EMID1: variants seen among roughly 807,000 people sequenced by gnomAD.
EMID1 encodes the protein EMI domain containing 1, also known as EMI domain-containing protein 1.
A neutral mutation model predicts 60.6 loss-of-function variants in EMID1; 40 were observed. The observed-to-expected ratio is 0.66, with a 90% confidence interval of 0.51 to 0.86. The LOEUF is 0.86. Ranked by LOEUF, EMID1 falls within the 40% of genes least tolerant of loss-of-function variation. The probability of loss-of-function intolerance (pLI) is 0.00; values close to 1 mark genes in which losing one functional copy is unlikely to be tolerated. For missense variants in EMID1, 585 were observed against 597.1 expected, an observed-to-expected ratio of 0.98 and a Z score of 0.21; for synonymous variants, 242 against 231.0, an observed-to-expected ratio of 1.05 and a Z score of -0.43.
At chr22:29,226,592 C>G in intron 5 of EMID1, 41 bp downstream of exon 5, 1 of 1,584,880 alleles carries the variant, frequency 6.3e-7, no homozygotes, top group Non-Finnish European at 8.6e-7. Context: ...TTCCCTGCCA[C>G]AGGCCAGTCC....
intron 12 of EMID1, among the ~76,000 whole-genome samples, 188 bp downstream of exon 12, chr22:29,234,537 G>A (rs779348748): frequency 1.3e-5 from 2 of 151,930 alleles, no homozygotes; most frequent in African/African-American, 4.8e-5. Context: ...TCTCACTCTG[G>A]CTCTCTGTTT....
At position 29,225,044 on chromosome 22, in the gene EMID1, G is replaced by A. The variant is rs541980024; in HGVS notation, c.320-89G>A. The A allele has an allele frequency of 7.3e-5, 99 of 1,350,970 alleles. 1 individual carries two copies. In the South Asian group the frequency reaches 8.0e-4, roughly 11 times the overall value. The allele number at this position is 1,350,970 out of a possible 1,614,324, so 83.7% of individuals were successfully genotyped here. On this transcript the variant is annotated intron_variant, in intron 3 of 14. Transcript: ENST00000334018. ...CTGTGTCCTACGCTGAGGGCAGTAG[G>A]GGTCCCTGCTGGGGCTACAGTGGTG...
rs376481958 is a variant in EMID1 at position 29,213,324 on chromosome 22, T to C, written c.102-1602T>C. Among the ~76,000 whole-genome samples, 5 of 152,332 alleles carry C rather than the reference T, an allele frequency of 3.3e-5. 1 individual carries two copies. The highest frequency in any genetic ancestry group is 1.9e-4 in the East Asian group (1 of 5,184). On this transcript the variant is annotated intron_variant, in intron 1 of 14. Coordinates refer to ENST00000334018, the MANE Select transcript of EMID1 (RefSeq NM_133455.4). ...TTCTGATGGTGCCATGGCAGGCACC[T>C]GTCACCTCTGCATGGGATGGCTGGC...
rs901923654 is a variant in EMID1, at chr22:29,216,357, C to A, written c.319+727C>A. The A allele has an allele frequency of 7.1e-6, 7 of 985,336 alleles. No homozygotes were observed. The African/African-American group carries it at 1.0e-4, about 15-fold the overall frequency. 61.0% of individuals were successfully genotyped at this position (985,336 alleles called of 1,614,324 possible). A position where few individuals can be genotyped will look rare whatever the true frequency, so the allele number is the denominator to read the frequency against. On this transcript the variant is annotated intron_variant, in intron 3 of 14. Coordinates refer to ENST00000334018, the MANE Select transcript of EMID1 (RefSeq NM_133455.4). ...CCTCTGCTGAGCAGCCCAGGCCTCT[C>A]CCATCCTCACTGCCTGGCTGAACCC...
chr22:29,221,040 GATT>G (rs1360312581), intron 3 of EMID1, among the ~76,000 whole-genome samples: 1 of 145,396 alleles, frequency 6.9e-6, no homozygotes, highest in Non-Finnish European at 1.5e-5. Context: ...CAGCTGTAGA[GATT>G]AGGGGAGGGC....
chr22:29,249,925 C>T (rs1419629380), intron 13 of EMID1, among the ~76,000 whole-genome samples: 1 of 151,994 alleles, frequency 6.6e-6, no homozygotes, highest in Non-Finnish European at 1.5e-5. Context: ...CCCAAAATGC[C>T]TTTTAAAGCT....
At position 29,258,992 on chromosome 22, in the gene EMID1, C is replaced by T. The variant is rs762637707; in HGVS notation, c.*48C>T. On this transcript the variant is annotated 3_prime_UTR_variant, in exon 15 of 15. Transcript: ENST00000334018. ...AGACCAGGCCAGGCTTCCCCTCCTA[C>T]CTGGACTCGGCCAGCTGCCTCCAGG... The T allele has an allele frequency of 6.3e-7, 1 of 1,584,590 alleles. No homozygotes were observed. Among genetic ancestry groups the T allele is most frequent in the Non-Finnish European group, 8.6e-7 (1 of 1,167,232 alleles).
Position 29,259,301 on chromosome 22 carries a change from G to A in EMID1, c.*357G>A. The A allele has an allele frequency of 3.7e-6, 1 of 272,022 alleles. No individual in the cohort carries two copies. The highest frequency in any genetic ancestry group is 4.3e-5 in the South Asian group (1 of 23,310). 16.9% of individuals were successfully genotyped at this position (272,022 alleles called of 1,614,324 possible). A position where few individuals can be genotyped will look rare whatever the true frequency, so the allele number is the denominator to read the frequency against. The stretch of plus-strand genomic sequence containing the variant: ...CGGCACATGCAGAGATGACAGGGCA[G>A]GGGGCAGTCTTCCTCCCCCTCCCCG... On this transcript the variant is annotated 3_prime_UTR_variant, in exon 15 of 15. Transcript: ENST00000334018.
At chr22:29,224,202 C>T (rs1396911267) in intron 3 of EMID1, among the ~76,000 whole-genome samples, 1 of 152,218 alleles carries the variant, frequency 6.6e-6, no homozygotes, top group Admixed American at 6.5e-5. Context: ...GTTTGAGTTC[C>T]CGGCGCCTCT....
At chr22:29,227,878 G>A (rs1193094547) in intron 5 of EMID1, among the ~76,000 whole-genome samples, 5 of 151,856 alleles carry the variant, frequency 3.3e-5, no homozygotes, top group African/African-American at 4.8e-5. Context: ...AGCCGGGGCC[G>A]AGTGCCGTGG....
intron 4 of EMID1, among the ~76,000 whole-genome samples, chr22:29,226,142 G>T (rs2040500061): frequency 1.3e-5 from 2 of 152,140 alleles, no homozygotes; most frequent in South Asian, 4.1e-4. Context: ...GCTGGCTGGG[G>T]TCGCTGGAGA....
intron 14 of EMID1, among the ~76,000 whole-genome samples, chr22:29,256,171 A>T (rs929929706): frequency 6.6e-6 from 1 of 152,064 alleles, no homozygotes; most frequent in African/African-American, 2.4e-5. Flanking sequence ...CCAACCTCGC[A>T]TCTATTTTAA....
At chr22:29,249,027 T>A (rs1240287700) in intron 13 of EMID1, among the ~76,000 whole-genome samples, 1 of 152,278 alleles carries the variant, frequency 6.6e-6, no homozygotes, top group East Asian at 1.9e-4. Flanking sequence ...ATAGATCTTT[T>A]TTTCAAATTC....
intron 14 of EMID1, among the ~76,000 whole-genome samples, chr22:29,256,412 C>T (rs758434114): frequency 6.8e-5 from 10 of 147,384 alleles, no homozygotes; most frequent in African/African-American, 2.0e-4. Context: ...TGCAGTGAGC[C>T]GAGACCGCAC....
At chr22:29,225,680 G>C (rs2040479005) in intron 4 of EMID1, among the ~76,000 whole-genome samples, 1 of 152,002 alleles carries the variant, frequency 6.6e-6, no homozygotes, top group African/African-American at 2.4e-5. Context: ...AGCCAGGAGT[G>C]GGGGCAGCAC....
chr22:29,221,532 A>C (rs2040300591), intron 3 of EMID1, among the ~76,000 whole-genome samples: 1 of 151,902 alleles, frequency 6.6e-6, no homozygotes, highest in Non-Finnish European at 1.5e-5. Context: ...CTGCCACCAC[A>C]CCTGGCTAAT....
intron 3 of EMID1, among the ~76,000 whole-genome samples, chr22:29,219,377 C>T (rs557783248): frequency 2.0e-3 from 302 of 152,310 alleles, no homozygotes; most frequent in African/African-American, 7.0e-3. Context: ...TCATAGGTCC[C>T]ATTGTCCCCA....
chr22:29,219,548 G>C (rs1384717300), intron 3 of EMID1, among the ~76,000 whole-genome samples: 7 of 152,174 alleles, frequency 4.6e-5, no homozygotes, highest in Admixed American at 4.6e-4. Flanking sequence ...GGGAGGCCAA[G>C]GCAGGAGGAT....
intron 2 of EMID1, 135 bp from the exon 3 acceptor site, chr22:29,215,392 G>A: frequency 7.8e-7 from 1 of 1,277,120 alleles, no homozygotes; most frequent in Non-Finnish European, 1.1e-6. Context: ...CCAAAATGCA[G>A]GAGAGAGCCT....
Sources: gnomAD v4.1 joint callset for allele counts (sites outside exome capture counted in the v4.1 genomes callset) on GRCh38, gnomAD v4.1.1 for gene constraint, MANE v1.5 for transcripts, NCBI Gene and HGNC (gene_info 2026-07-23, HGNC 2026-07-21) for gene names.